The following SPTB variants were observed in gnomAD, a reference collection of about 807,000 sequenced individuals.
SPTB encodes spectrin beta, erythrocytic.
Under a neutral mutation model 256.2 loss-of-function variants are expected in SPTB, and 45 were observed. The ratio of observed to expected loss-of-function variants is 0.18; its 90% CI spans 0.14 to 0.23. The LOEUF (loss-of-function observed/expected upper bound fraction) is 0.23. Among genes scored for constraint, SPTB ranks in the 10% least tolerant of loss-of-function variants. The pLI, the probability that SPTB is intolerant of heterozygous loss-of-function variation, is 1.00. For missense variants in SPTB, 2,715 were observed against 3,040.4 expected (o/e 0.89, Z 2.52); for synonymous variants, 1,231 against 1,243.1 (o/e 0.99, Z 0.21).
chr14:64,753,966 C>T (rs2081987798), intron 32 of SPTB, 173 bp from the exon 33 acceptor site: 3 of 809,214 alleles, frequency 3.7e-6, no homozygotes, highest in East Asian at 2.7e-5. Context: ...TATGGGTGCC[C>T]CCTTGCTTCT....
In SPTB at chr14:64,873,106, T is replaced by C. The variant is rs1223708119; in HGVS notation, c.-52+6686A>G. Reference sequence around the variant, plus strand: ...TCAGCCCAAATGAAGCCCCATCAGATAGTGTTTTCCCAACCACCCTACCTG... The same window carrying C: ...TCAGCCCAAATGAAGCCCCATCAGACAGTGTTTTCCCAACCACCCTACCTG... On this transcript the variant is annotated intron_variant, in intron 1 of 35. Transcript: ENST00000644917. This position sits in a 1 kb window ranked among gnomAD's most constrained non-coding sequence, Gnocchi z 4.3. Among the ~76,000 whole-genome samples, 1 of 152,188 alleles carries C rather than the reference T, an allele frequency of 6.6e-6. No homozygotes were observed. Among genetic ancestry groups the C allele is most frequent in the African/African-American group, 2.4e-5 (1 of 41,450 alleles).
chr14:64,792,953 G>A lies in SPTB; in HGVS notation c.2666+44C>T, dbSNP rs2082699871. 6.2e-7 allele frequency: 1 copy of A among 1,613,276 alleles called. No individual in the cohort carries two copies. The highest frequency in any genetic ancestry group is 1.3e-5 in the African/African-American group (1 of 74,928). ...CAAACTAGGTGGGAGATGGTGCCCAGGCCTGGGTACAGGGACGTGAGGAAA... is the reference window on the plus strand; with the variant it reads ...CAAACTAGGTGGGAGATGGTGCCCAAGCCTGGGTACAGGGACGTGAGGAAA... On this transcript the variant is annotated intron_variant, in intron 14 of 35. Coordinates refer to ENST00000644917, the MANE Select transcript of SPTB (RefSeq NM_001355436.2). The surrounding 1 kb of genome is among the most constrained non-coding windows in gnomAD (Gnocchi z 4.2).
chr14:64,762,110 G>T (rs1311183848), intron 32 of SPTB, among the ~76,000 whole-genome samples: 1 of 152,228 alleles, frequency 6.6e-6, no homozygotes, highest in Middle Eastern at 3.4e-3. Context: ...GGAGCCAGGC[G>T]CAGTGCCAGA....
At chr14:64,780,042 C>G (rs913717203) in intron 20 of SPTB, 111 bp from the exon 21 acceptor site, 1 of 956,788 alleles carries the variant, frequency 1.0e-6, no homozygotes, top group African/African-American at 1.6e-5. Flanking sequence ...TTGAGCTCAA[C>G]TTCCTCCAAG....
rs935119799 is a variant in SPTB, at chr14:64,806,906, C to T, written c.149-1816G>A. 3.9e-5 allele frequency among the ~76,000 whole-genome samples: 6 copies of T among 151,998 alleles called. No individual in the cohort carries two copies. Among genetic ancestry groups the T allele is most frequent in the Non-Finnish European group, 7.4e-5 (5 of 68,008 alleles). ...CTAAATACATGTAAAATTTAAACGG[C>T]ATTCATTTATTCTGGGCCTCTGTGC... On this transcript the variant is annotated intron_variant, in intron 2 of 35. Transcript: ENST00000644917. This position sits in a 1 kb window ranked among gnomAD's most constrained non-coding sequence, Gnocchi z 4.1.
rs2082693873 is a variant in SPTB at position 64,792,669 on chromosome 14, A to T, written c.2666+328T>A. The stretch of plus-strand genomic sequence containing the variant: ...TCCTGGCCTCTCAACCTCCTTCTCC[A>T]GAGTAGCTCCATTTTTCCTCTGTGT... On this transcript the variant is annotated intron_variant, in intron 14 of 35. Transcript: ENST00000644917. This position sits in a 1 kb window ranked among gnomAD's most constrained non-coding sequence, Gnocchi z 4.2. 6.6e-6 allele frequency among the ~76,000 whole-genome samples: 1 copy of T among 152,142 alleles called. No homozygotes were observed. Among genetic ancestry groups the T allele is most frequent in the Non-Finnish European group, 1.5e-5 (1 of 68,010 alleles).
intron 1 of SPTB, among the ~76,000 whole-genome samples, chr14:64,848,070 G>A (rs17102220): frequency 0.027 from 4,142 of 152,132 alleles, 163 homozygotes; most frequent in African/African-American, 0.087. Flanking sequence ...CTCTTCCAGC[G>A]ACTCACCATC....
intron 1 of SPTB, among the ~76,000 whole-genome samples, chr14:64,854,146 C>G (rs571620252): frequency 3.3e-5 from 5 of 150,696 alleles, no homozygotes; most frequent in Non-Finnish European, 5.9e-5. Context: ...GAGCCAAGAT[C>G]GTGCCACTGC....
chr14:64,879,484 C>G (rs1005142473), intron 1 of SPTB, among the ~76,000 whole-genome samples: 5 of 152,228 alleles, frequency 3.3e-5, no homozygotes, highest in Non-Finnish European at 5.9e-5. Context: ...CCCCCGTCAC[C>G]CTCTCCCTGC....
chr14:64,822,000 G>A (rs2083295076), intron 2 of SPTB, among the ~76,000 whole-genome samples: 1 of 151,966 alleles, frequency 6.6e-6, no homozygotes, highest in African/African-American at 2.4e-5. Context: ...TAAGGTATGG[G>A]GGCAGCGGGA....
chr14:64,797,859 C>G lies in SPTB; in HGVS notation c.1065-13G>C. 1.2e-6 allele frequency: 2 copies of G among 1,602,314 alleles called. No homozygotes were observed. Among genetic ancestry groups the G allele is most frequent in the Non-Finnish European group, 1.7e-6 (2 of 1,169,242 alleles). On this transcript the variant is annotated splice_polypyrimidine_tract_variant and intron_variant, in intron 9 of 35. Coordinates refer to ENST00000644917, the MANE Select transcript of SPTB (RefSeq NM_001355436.2). ...CTTCTCTTGAAACCTGTCAAGAAAA[C>G]AGAAGTAGGAAGACTGATGTTAAGA...
Position 64,792,921 on chromosome 14 carries a change from C to T in SPTB, c.2666+76G>A. 6.2e-7 allele frequency: 1 copy of T among 1,603,734 alleles called. No homozygotes were observed. The highest frequency in any genetic ancestry group is 8.5e-7 in the Non-Finnish European group (1 of 1,172,884). On this transcript the variant is annotated intron_variant, in intron 14 of 35. Transcript: ENST00000644917. The surrounding 1 kb of genome is among the most constrained non-coding windows in gnomAD (Gnocchi z 4.2). The stretch of plus-strand genomic sequence containing the variant: ...AAAGAGACCTTTGCTGATCCAGAGA[C>T]TATTACCAAACTAGGTGGGAGATGG...
In SPTB at chr14:64,853,295, A is replaced by G. The variant is rs112074516; in HGVS notation, c.-52+26497T>C. Among the ~76,000 whole-genome samples the G allele has an allele frequency of 0.021, 3,252 of 152,292 alleles. 55 individuals carry two copies. Among genetic ancestry groups the G allele is most frequent in the South Asian group, 0.063 (305 of 4,822 alleles). ...AGCAGGAACACCAAAAGGGGCCAAGATTGTCCCCAAAGAGGGTTTAGGCTG... is the reference window on the plus strand; with the variant it reads ...AGCAGGAACACCAAAAGGGGCCAAGGTTGTCCCCAAAGAGGGTTTAGGCTG... On this transcript the variant is annotated intron_variant, in intron 1 of 35. Transcript: ENST00000644917. This position sits in a 1 kb window ranked among gnomAD's most constrained non-coding sequence, Gnocchi z 4.3.
Position 64,759,412 on chromosome 14 carries a change from C to T in SPTB, c.6346-5619G>A, listed in dbSNP as rs746973717. The stretch of plus-strand genomic sequence containing the variant: ...AGCTGAACCATCCACCCATGCCAAC[C>T]GTGGGCCCTGGGTCAGGCTAGCAGC... On this transcript the variant is annotated intron_variant, in intron 32 of 35. Transcript: ENST00000644917. This position sits in a 1 kb window ranked among gnomAD's most constrained non-coding sequence, Gnocchi z 4.8. 2.8e-4 allele frequency among the ~76,000 whole-genome samples: 42 copies of T among 152,326 alleles called. No homozygotes were observed. The highest frequency in any genetic ancestry group is 8.9e-4 in the African/African-American group (37 of 41,582).
At chr14:64,820,090 A>G (rs1331113156) in intron 2 of SPTB, among the ~76,000 whole-genome samples, 2 of 152,096 alleles carry the variant, frequency 1.3e-5, no homozygotes, top group African/African-American at 2.4e-5. Context: ...AGTCTCCCCA[A>G]CCTTGCCACA....
At chr14:64,833,288 C>G (rs534353177) in intron 1 of SPTB, among the ~76,000 whole-genome samples, 1 of 152,174 alleles carries the variant, frequency 6.6e-6, no homozygotes, top group Non-Finnish European at 1.5e-5. Context: ...CGGTGGCTCA[C>G]GCCCATAATC....
In SPTB at chr14:64,841,626, G is replaced by A. The variant is rs750914895; in HGVS notation, c.-51-18481C>T. Among the ~76,000 whole-genome samples, 6 of 151,958 alleles carry A rather than the reference G, an allele frequency of 3.9e-5. No homozygotes were observed. Among genetic ancestry groups the A allele is most frequent in the Non-Finnish European group, 8.8e-5 (6 of 68,014 alleles). On this transcript the variant is annotated intron_variant, in intron 1 of 35. Transcript: ENST00000644917. The surrounding 1 kb of genome is among the most constrained non-coding windows in gnomAD (Gnocchi z 4.6). ...TGCCAAGCACTTTTTCCCCCAAATCGACACAGACATGGAGAAGATAGGAAA... is the reference window on the plus strand; with the variant it reads ...TGCCAAGCACTTTTTCCCCCAAATCAACACAGACATGGAGAAGATAGGAAA...
chr14:64,801,164 G>T, intron 7 of SPTB, 121 bp downstream of exon 7: 1 of 818,324 alleles, frequency 1.2e-6, no homozygotes, highest in Non-Finnish European at 2.0e-6. Context: ...CCCTCACTGT[G>T]CCCACAGCTT....
At position 64,764,006 on chromosome 14, in the gene SPTB, G is replaced by A. The variant is rs1276731153; in HGVS notation, c.6345+2720C>T. Among the ~76,000 whole-genome samples, 1 of 152,188 alleles carries A rather than the reference G, an allele frequency of 6.6e-6. No individual in the cohort carries two copies. Among genetic ancestry groups the A allele is most frequent in the Non-Finnish European group, 1.5e-5 (1 of 68,036 alleles). ...CCACTCCCATCAGTTCCCCCCAGCA[G>A]GAAGCCGACATGCACAGTGAGGGAT... On this transcript the variant is annotated intron_variant, in intron 32 of 35. Coordinates refer to ENST00000644917, the MANE Select transcript of SPTB (RefSeq NM_001355436.2). The surrounding 1 kb of genome is among the most constrained non-coding windows in gnomAD (Gnocchi z 4.2).
Sources: gnomAD v4.1 joint callset for allele counts (sites outside exome capture counted in the v4.1 genomes callset) on GRCh38, gnomAD v4.1.1 for gene constraint, Gnocchi (gnomAD v3.1) non-coding constraint, MANE v1.5 for transcripts, NCBI Gene and HGNC (gene_info 2026-07-23, HGNC 2026-07-21) for gene names.